Variants in ADRA1B observed in about 807,000 individuals in gnomAD.
ADRA1B encodes the protein adrenoceptor alpha 1B.
A neutral mutation model predicts 17.9 loss-of-function variants in ADRA1B; 17 were observed. The ratio of observed to expected loss-of-function variants is 0.95; its 90% CI spans 0.65 to 1.42. ADRA1B has a LOEUF of 1.42. ADRA1B is among the 40% of genes most tolerant of loss of function. The pLI is 0.00. For missense variants in ADRA1B, 681 were observed against 722.1 expected (o/e 0.94, Z 0.65); for synonymous variants, 366 against 327.6 (o/e 1.12, Z -1.27).
At chr5:159,937,485 AT>A (rs2113218286) in intron 1 of ADRA1B, among the ~76,000 whole-genome samples, 1 of 149,854 alleles carries the variant, frequency 6.7e-6, no homozygotes, top group South Asian at 2.1e-4. Flanking sequence ...GAGTCTCACC[AT>A]GTTGCTCAGG....
At chr5:159,870,833 T>C (rs913690471) in intron 1 of ADRA1B, 2 of 152,218 alleles carry the variant, frequency 1.3e-5, no homozygotes, top group Admixed American at 1.3e-4. Context: ...TGAGAGACTG[T>C]GTTGGAAAAT....
chr5:159,882,101 A>C (rs943343235), intron 1 of ADRA1B, among the ~76,000 whole-genome samples: 4 of 152,176 alleles, frequency 2.6e-5, no homozygotes, highest in African/African-American at 9.6e-5. Context: ...TAAAGTTTGT[A>C]TGTGTGCAGT....
chr5:159,907,899 A>T (rs572788144), intron 1 of ADRA1B, among the ~76,000 whole-genome samples: 1 of 151,344 alleles, frequency 6.6e-6, no homozygotes, highest in Non-Finnish European at 1.5e-5. Flanking sequence ...GGCGTTTCTC[A>T]TGCTGTCTTT....
the ADRA1B span, among the ~76,000 whole-genome samples, chr5:159,987,501 A>G: frequency 6.6e-6 from 1 of 152,224 alleles, no homozygotes; most frequent in South Asian, 2.1e-4. Flanking sequence ...TCCCCTGAGC[A>G]GGTGCTTGAC....
intron 1 of ADRA1B, among the ~76,000 whole-genome samples, chr5:159,879,364 G>GC (rs1753832660): frequency 6.6e-6 from 1 of 152,078 alleles, no homozygotes; most frequent in Non-Finnish European, 1.5e-5. Context: ...AGCAACAGGC[G>GC]CCTGCCTGTA....
At chr5:159,979,430 G>C in the ADRA1B span, among the ~76,000 whole-genome samples, 1 of 152,166 alleles carries the variant, frequency 6.6e-6, no homozygotes, top group Non-Finnish European at 1.5e-5. Flanking sequence ...ACAGTACCTG[G>C]CACATGGTAC....
At chr5:159,931,393 C>CAA (rs144950450) in intron 1 of ADRA1B, among the ~76,000 whole-genome samples, 179 of 132,194 alleles carry the variant, frequency 1.4e-3, no homozygotes, top group Middle Eastern at 3.9e-3. Flanking sequence ...GACCCTATCT[C>CAA]AAAAAAAAAA....
intron 1 of ADRA1B, among the ~76,000 whole-genome samples, chr5:159,929,535 G>A (rs1210182527): frequency 6.6e-6 from 1 of 151,114 alleles, no homozygotes; most frequent in Non-Finnish European, 1.5e-5. Flanking sequence ...CCCTGCCTCG[G>A]GACATTACAA....
intron 1 of ADRA1B, among the ~76,000 whole-genome samples, chr5:159,888,754 G>A (rs959005509): frequency 6.6e-6 from 1 of 152,184 alleles, no homozygotes; most frequent in African/African-American, 2.4e-5. Flanking sequence ...GTGCCAGGAA[G>A]GGTGATGGAA....
At chr5:159,983,175 C>G in the ADRA1B span, among the ~76,000 whole-genome samples, 3 of 152,216 alleles carry the variant, frequency 2.0e-5, no homozygotes, top group African/African-American at 4.8e-5. Flanking sequence ...GTTCCAAAGG[C>G]AGAGGCTGGT....
In ADRA1B at chr5:159,921,687, T is replaced by A. The variant is rs541456872; in HGVS notation, c.949+3833T>A. 7.9e-5 allele frequency among the ~76,000 whole-genome samples: 12 copies of A among 152,226 alleles called. 1 individual carries two copies. The highest frequency in any genetic ancestry group is 2.2e-4 in the African/African-American group (9 of 41,450). ...AGGAAGCCATTATTGAACTAACTGC[T>A]TTCCCCTCCAAATAAATGAAGGTCA... is the stretch of plus-strand genomic sequence containing the variant. On this transcript the variant is annotated intron_variant, in intron 1 of 1. Coordinates refer to ENST00000306675, the MANE Select transcript of ADRA1B (RefSeq NM_000679.4).
At chr5:159,897,469 G>C (rs1044457056) in intron 1 of ADRA1B, among the ~76,000 whole-genome samples, 1 of 151,718 alleles carries the variant, frequency 6.6e-6, no homozygotes. Context: ...CTGGGTGACA[G>C]AGTGAGACTC....
rs1305758864 is a variant in ADRA1B at position 159,917,845 on chromosome 5, C to G, written c.940C>G (p.Leu314Val). 6 of 1,601,342 alleles carry G rather than the reference C, an allele frequency of 3.7e-6. No individual in the cohort carries two copies. The highest frequency in any genetic ancestry group is 5.1e-6 in the Non-Finnish European group (6 of 1,174,958). ...ILCWLPFFIA[L>V]PLGSLFSTLK... ...GTGCTGGCTACCCTTCTTCATCGCT[C>G]TACCGCTTGGTAAGTTGGGGACTAG... The change falls in exon 1 of 2, where the codon CTA (leucine) becomes GTA (valine). Residue 314 changes from leucine (L) to valine (V), a missense_variant. Physicochemically the swap from Leu to Val is conservative, Grantham distance 32 (BLOSUM62 1). Around this residue, in one of 3 missense-constraint regions of ADRA1B, gnomAD observed 424 missense variants for 480.2 expected, o/e 0.88. Coordinates refer to ENST00000306675, the MANE Select transcript of ADRA1B (RefSeq NM_000679.4).
intron 1 of ADRA1B, among the ~76,000 whole-genome samples, chr5:159,876,584 A>AG (rs1476770141): frequency 7.9e-5 from 12 of 152,160 alleles, no homozygotes; most frequent in African/African-American, 1.7e-4. Flanking sequence ...GATTCAGCAG[A>AG]GGGGGGTCCA....
At chr5:159,965,777 G>A (rs1278860031) in intron 1 of ADRA1B, among the ~76,000 whole-genome samples, 4 of 152,164 alleles carry the variant, frequency 2.6e-5, no homozygotes, top group South Asian at 2.1e-4. Flanking sequence ...AAGCAGGCAC[G>A]CCCCAGCAGG....
intron 1 of ADRA1B, among the ~76,000 whole-genome samples, chr5:159,925,711 G>A (rs893405755): frequency 2.6e-5 from 4 of 152,050 alleles, no homozygotes; most frequent in Non-Finnish European, 5.9e-5. Context: ...AACCACATAC[G>A]TATATTCAAC....
At chr5:159,922,875 A>G (rs1385325973) in intron 1 of ADRA1B, among the ~76,000 whole-genome samples, 5 of 152,284 alleles carry the variant, frequency 3.3e-5, no homozygotes, top group Non-Finnish European at 7.3e-5. Context: ...GAGATGTTGA[A>G]AAACACACAT....
At chr5:159,865,536 T>C (rs1229121514) in intron 1 of ADRA1B, among the ~76,000 whole-genome samples, 2 of 152,258 alleles carry the variant, frequency 1.3e-5, no homozygotes, top group Non-Finnish European at 2.9e-5. Flanking sequence ...CAGTTTCTTG[T>C]GCTTCACTGT....
At chr5:159,939,272 AGAGAGAGTGTGTGTGTGTGTGT>A (rs1479233006) in intron 1 of ADRA1B, among the ~76,000 whole-genome samples, 15 of 76,348 alleles carry the variant, frequency 2.0e-4, no homozygotes, top group African/African-American at 9.7e-4. Flanking sequence ...AGAGAGAGAG[AGAGAGAGTGTGTGTGTGTGTGT>A]GTGTGTGTGT....
Sources: allele counts gnomAD v4.1 joint callset (sites outside exome capture counted in the v4.1 genomes callset), GRCh38; gene constraint gnomAD v4.1.1; regional missense constraint gnomAD v4.1.1; transcripts MANE v1.5; gene names NCBI Gene and HGNC (gene_info 2026-07-23, HGNC 2026-07-21).